PLCE1: variants seen among roughly 807,000 people sequenced by gnomAD.
PLCE1 encodes phospholipase C epsilon 1, also known as 1-phosphatidylinositol 4,5-bisphosphate phosphodiesterase epsilon-1.
In PLCE1, 119 loss-of-function variants were observed where a neutral mutation model predicts 242.8. The observed-to-expected ratio is 0.49, with a 90% CI of 0.42 to 0.57. The LOEUF is 0.57. Ranked by LOEUF, PLCE1 falls within the 20% of genes least tolerant of loss-of-function variation. The pLI is 0.00. For missense variants in PLCE1, 2,441 were observed against 2,788.8 expected (o/e 0.88, Z 2.81); for synonymous variants, 945 against 1,017.4 (o/e 0.93, Z 1.35).
chr10:94,250,253 G>A (rs1374012369), intron 8 of PLCE1, among the ~76,000 whole-genome samples: 1 of 151,910 alleles, frequency 6.6e-6, no homozygotes, highest in Non-Finnish European at 1.5e-5. Context: ...TGTAATCCCA[G>A]CACTTTGGGA....
chr10:94,067,447 C>A (rs1417941500), intron 2 of PLCE1, among the ~76,000 whole-genome samples: 2 of 152,192 alleles, frequency 1.3e-5, no homozygotes, highest in East Asian at 1.9e-4. Context: ...CAAATCTGAT[C>A]ATCTCATTCA....
At chr10:94,008,957 G>A (rs1349393748) in intron 1 of PLCE1, among the ~76,000 whole-genome samples, 1 of 152,276 alleles carries the variant, frequency 6.6e-6, no homozygotes, top group African/African-American at 2.4e-5. Context: ...TGAACTCTAA[G>A]TACTGCTCCT....
Position 94,246,633 on chromosome 10 carries a change from A to C in PLCE1, c.3096+12A>C. The C allele has an allele frequency of 6.2e-7, 1 of 1,611,122 alleles. No homozygotes were observed. ...TCAGCCTTTATCAGGTAAGGGGTGC[A>C]GCCATCCCTCTTTCCTCACTGGCAT... is the stretch of plus-strand genomic sequence containing the variant. On this transcript the variant is annotated intron_variant, in intron 8 of 32. Coordinates refer to ENST00000371380, the MANE Select transcript of PLCE1 (RefSeq NM_016341.4).
At chr10:94,023,436 A>G (rs886388105) in intron 1 of PLCE1, among the ~76,000 whole-genome samples, 2 of 152,228 alleles carry the variant, frequency 1.3e-5, no homozygotes, top group South Asian at 2.1e-4. Context: ...GCACACACAC[A>G]TAACTCCAGA....
rs145234303 is a variant in PLCE1 at position 93,998,996 on chromosome 10, G to A, written c.-365+4738G>A. 6.2e-3 allele frequency among the ~76,000 whole-genome samples: 949 copies of A among 152,214 alleles called. 7 individuals carry two copies. Among genetic ancestry groups the A allele is most frequent in the Non-Finnish European group, 7.8e-3 (531 of 68,026 alleles). Reference sequence around the variant, plus strand: ...GAGAGAAAATGAGTTCTTTCCTAGAGCCTCCAGAAGGAATGTAGCCCTACT... The same window carrying A: ...GAGAGAAAATGAGTTCTTTCCTAGAACCTCCAGAAGGAATGTAGCCCTACT... On this transcript the variant is annotated intron_variant, in intron 1 of 32. Transcript: ENST00000371380.
intron 2 of PLCE1, among the ~76,000 whole-genome samples, chr10:94,107,341 C>T (rs1199066525): frequency 6.6e-6 from 1 of 152,038 alleles, no homozygotes; most frequent in Admixed American, 6.6e-5. Context: ...CATGCCACCC[C>T]CCTTGCTTGG....
intron 3 of PLCE1, chr10:94,138,337 C>A: frequency 5.2e-6 from 2 of 384,414 alleles, no homozygotes; most frequent in South Asian, 4.5e-5. Flanking sequence ...CAGACTGGGT[C>A]ATGACTGTGT....
chr10:94,044,608 A>G (rs1176862070), intron 2 of PLCE1, among the ~76,000 whole-genome samples: 1 of 152,230 alleles, frequency 6.6e-6, no homozygotes, highest in African/African-American at 2.4e-5. Context: ...AGGCACTCAC[A>G]AACTCAGAAT....
intron 4 of PLCE1, among the ~76,000 whole-genome samples, chr10:94,203,301 C>T (rs1188043730): frequency 1.3e-5 from 2 of 152,174 alleles, no homozygotes; most frequent in African/African-American, 4.8e-5. Flanking sequence ...CCTATCAGAT[C>T]ACCCTGAATA....
At chr10:94,280,747 C>T (rs1270349090) in intron 20 of PLCE1, 1 of 152,068 alleles carries the variant, frequency 6.6e-6, no homozygotes, top group Non-Finnish European at 1.5e-5. Flanking sequence ...TGCAGATATG[C>T]CCAGACCAGA....
intron 28 of PLCE1, among the ~76,000 whole-genome samples, chr10:94,314,366 G>A (rs919911828): frequency 1.3e-5 from 2 of 152,172 alleles, no homozygotes; most frequent in African/African-American, 2.4e-5. Context: ...TTGGGAGGCC[G>A]AGGCAGGCGG....
chr10:94,310,075 T>A (rs892343385), intron 27 of PLCE1, among the ~76,000 whole-genome samples: 5 of 152,228 alleles, frequency 3.3e-5, no homozygotes, highest in Admixed American at 3.3e-4. Flanking sequence ...CTAATTCCAT[T>A]ATGCTTCCTC....
intron 2 of PLCE1, among the ~76,000 whole-genome samples, chr10:94,087,620 G>C (rs2044881348): frequency 6.6e-6 from 1 of 152,016 alleles, no homozygotes; most frequent in East Asian, 2.0e-4. Context: ...TGTTTGTAGA[G>C]GTGGTGGGGG....
intron 2 of PLCE1, among the ~76,000 whole-genome samples, chr10:94,071,709 C>T (rs1046835007): frequency 5.9e-5 from 9 of 151,780 alleles, no homozygotes; most frequent in South Asian, 4.2e-4. Flanking sequence ...GTGTTGCCCA[C>T]GCTGGTTTCA....
At chr10:94,067,211 G>A (rs540840937) in intron 2 of PLCE1, among the ~76,000 whole-genome samples, 10 of 152,146 alleles carry the variant, frequency 6.6e-5, no homozygotes, top group African/African-American at 1.4e-4. Context: ...TTAGTGACCC[G>A]GACAACCATG....
chr10:94,075,105 T>C (rs1166308135), intron 2 of PLCE1, among the ~76,000 whole-genome samples: 2 of 152,220 alleles, frequency 1.3e-5, no homozygotes, highest in African/African-American at 4.8e-5. Flanking sequence ...AGGAATTATC[T>C]TTCTGTGAGA....
intron 2 of PLCE1, among the ~76,000 whole-genome samples, chr10:94,044,620 C>A (rs2061841790): frequency 6.6e-6 from 1 of 152,228 alleles, no homozygotes; most frequent in Admixed American, 6.5e-5. Context: ...ACTCAGAATG[C>A]AGCTTTGGTT....
chr10:94,238,739 T>C (rs917432096), intron 7 of PLCE1, among the ~76,000 whole-genome samples: 1 of 151,624 alleles, frequency 6.6e-6, no homozygotes, highest in Non-Finnish European at 1.5e-5. Context: ...AAATGAGGAG[T>C]ATGAAGGTGT....
In PLCE1 at chr10:94,235,997, C is replaced by T. The variant is rs760154119; in HGVS notation, c.2297C>T (p.Thr766Ile). 11 of 1,613,870 alleles carry T rather than the reference C, an allele frequency of 6.8e-6. No individual in the cohort carries two copies. The Admixed American group carries it at 1.8e-4, about 27-fold the overall frequency. The change falls in exon 7 of 33, where the codon ACT (threonine) becomes ATT (isoleucine). Residue 766 changes from threonine (T) to isoleucine (I), a missense_variant. Coordinates refer to ENST00000371380, the MANE Select transcript of PLCE1 (RefSeq NM_016341.4). ...NGLKNSEKES[T>I]VNSIFQVIRS... ...TTAAAGAATTCGGAGAAGGAGTCCA[C>T]TGTCAACAGCATCTTTCAGGTCATC...
Sources: gnomAD v4.1 joint callset for allele counts (sites outside exome capture counted in the v4.1 genomes callset) on GRCh38, gnomAD v4.1.1 for gene constraint, MANE v1.5 for transcripts, NCBI Gene and HGNC (gene_info 2026-07-23, HGNC 2026-07-21) for gene names.